Variants in RAB10 observed in about 807,000 individuals in gnomAD.
The protein encoded by RAB10 is RAB10, member RAS oncogene family.
RAB10 carries 5 observed loss-of-function variants against 25.7 expected under a neutral mutation model. The ratio of observed to expected loss-of-function variants is 0.19; its 90% confidence interval spans 0.10 to 0.41. The LOEUF (loss-of-function observed/expected upper bound fraction) is 0.41, where lower values mean the gene tolerates loss of function less well. RAB10 is among the 10% of genes least tolerant of loss of function. The probability of loss-of-function intolerance (pLI) is 1.00; values close to 1 mark genes in which losing one functional copy is unlikely to be tolerated. For synonymous variants in RAB10, 89 were observed against 86.4 expected, an observed-to-expected ratio of 1.03 and a Z score of -0.16; for missense variants, 103 against 245.8, an observed-to-expected ratio of 0.42 and a Z score of 3.89.
At chr2:26,051,346 A>G (rs1324708510) in intron 1 of RAB10, among the ~76,000 whole-genome samples, 4 of 105,644 alleles carry the variant, frequency 3.8e-5, no homozygotes, top group African/African-American at 7.1e-5. Context: ...CCTTCCTTCA[A>G]GTCCTCCCTT....
intron 1 of RAB10, among the ~76,000 whole-genome samples, chr2:26,056,025 G>C (rs1666257025): frequency 6.6e-6 from 1 of 151,862 alleles, no homozygotes; most frequent in Non-Finnish European, 1.5e-5. Flanking sequence ...CTCCCAAGTA[G>C]CTGGGATGAC....
chr2:26,039,871 G>A (rs1665847150), intron 1 of RAB10, among the ~76,000 whole-genome samples: 1 of 151,808 alleles, frequency 6.6e-6, no homozygotes, highest in African/African-American at 2.4e-5. Context: ...TAAAATTGTT[G>A]AGATATTTCA....
intron 3 of RAB10, among the ~76,000 whole-genome samples, chr2:26,124,546 A>G (rs1001219029): frequency 4.0e-5 from 6 of 151,628 alleles, no homozygotes; most frequent in Non-Finnish European, 5.9e-5. Flanking sequence ...GATTACAGGC[A>G]TGAGCCCCCG....
intron 1 of RAB10, among the ~76,000 whole-genome samples, chr2:26,057,487 G>T (rs1203048788): frequency 2.0e-5 from 3 of 151,962 alleles, no homozygotes; most frequent in Non-Finnish European, 4.4e-5. Context: ...AACATTTAAG[G>T]TGTAGACAGG....
At chr2:26,097,581 T>C (rs1667250004) in intron 1 of RAB10, among the ~76,000 whole-genome samples, 1 of 152,160 alleles carries the variant, frequency 6.6e-6, no homozygotes, top group East Asian at 1.9e-4. Flanking sequence ...CCTGGCAACT[T>C]CAATACTGTT....
chr2:26,075,597 G>C (rs1666715931), intron 1 of RAB10, among the ~76,000 whole-genome samples: 1 of 152,114 alleles, frequency 6.6e-6, no homozygotes, highest in Non-Finnish European at 1.5e-5. Context: ...AAGGGGAGAA[G>C]GACGGAGGTA....
chr2:26,106,656 C>T (rs952445708), intron 2 of RAB10, among the ~76,000 whole-genome samples: 12 of 152,012 alleles, frequency 7.9e-5, no homozygotes, highest in African/African-American at 2.9e-4. Context: ...GAGGCTGAGG[C>T]GGGTGGATCA....
At chr2:26,045,694 C>A (rs150852892) in intron 1 of RAB10, among the ~76,000 whole-genome samples, 77 of 152,192 alleles carry the variant, frequency 5.1e-4, no homozygotes, top group African/African-American at 1.8e-3. Context: ...CCTGGGAAAA[C>A]TGTTTATTGA....
At position 26,034,146 on chromosome 2, in the gene RAB10, G is replaced by T. The variant is rs1297264958; in HGVS notation, c.-463G>T. On this transcript the variant is annotated 5_prime_UTR_variant, in exon 1 of 6. Coordinates refer to ENST00000264710, the MANE Select transcript of RAB10 (RefSeq NM_016131.5). ...GGGAAAAGGTGGCTCTGGCCGGGGT[G>T]GCTCGGTTTCCTGGGGCTATGTAAC... 4.9e-6 allele frequency: 2 copies of T among 406,788 alleles called. No individual in the cohort carries two copies. Among genetic ancestry groups the T allele is most frequent in the Non-Finnish European group, 8.7e-6 (2 of 230,130 alleles). The allele number at this position is 406,788 out of a possible 1,614,324, so 25.2% of individuals were successfully genotyped here. A position where few individuals can be genotyped will look rare whatever the true frequency, so the allele number is the denominator to read the frequency against.
intron 2 of RAB10, among the ~76,000 whole-genome samples, chr2:26,104,525 G>A (rs1002167286): frequency 6.6e-6 from 1 of 152,118 alleles, no homozygotes; most frequent in African/African-American, 2.4e-5. Flanking sequence ...CTTCCATTCT[G>A]TGGGTTGTCT....
chr2:26,089,113 A>G (rs1276365494), intron 1 of RAB10, among the ~76,000 whole-genome samples: 1 of 152,040 alleles, frequency 6.6e-6, no homozygotes, highest in Non-Finnish European at 1.5e-5. Context: ...ATGCTCAGAA[A>G]TATATTTATT....
At chr2:26,104,872 G>A (rs1003961894) in intron 2 of RAB10, among the ~76,000 whole-genome samples, 1 of 151,730 alleles carries the variant, frequency 6.6e-6, no homozygotes, top group African/African-American at 2.4e-5. Context: ...TGAGTAGCTG[G>A]GACTACAGGT....
chr2:26,033,764 C>A (rs1416012387), upstream of RAB10, among the ~76,000 whole-genome samples: 6 of 151,698 alleles, frequency 4.0e-5, no homozygotes, highest in Non-Finnish European at 8.8e-5. Context: ...GTAAGGGTGT[C>A]CCGGGGAGCG....
At chr2:26,121,542 C>T (rs10182857) in intron 3 of RAB10, among the ~76,000 whole-genome samples, 116,581 of 152,066 alleles carry the variant, frequency 0.77, 44,757 homozygotes, top group East Asian at 0.87. Flanking sequence ...CTTGCAACAA[C>T]TTGAAAAACT....
chr2:26,066,955 G>A (rs548656803), intron 1 of RAB10, among the ~76,000 whole-genome samples: 21 of 151,936 alleles, frequency 1.4e-4, no homozygotes, highest in Admixed American at 3.9e-4. Flanking sequence ...GCTAATTTTT[G>A]TATTTTAGTA....
rs534256433 is a variant in RAB10, at chr2:26,034,812, G to T, written c.127+77G>T. The stretch of plus-strand genomic sequence containing the variant: ...TTTTACTCCAGACATCTTGCTTCCC[G>T]TAATATACGCCTTTGTTTCAGTGAT... On this transcript the variant is annotated intron_variant, in intron 1 of 5. Transcript: ENST00000264710. 5.9e-4 allele frequency: 925 copies of T among 1,560,140 alleles called. 15 individuals carry two copies. In the South Asian group the frequency reaches 9.7e-3, roughly 16 times the overall value.
In RAB10 at chr2:26,089,015, A is replaced by G. The variant is rs914148783; in HGVS notation, c.128-9647A>G. 2.0e-5 allele frequency among the ~76,000 whole-genome samples: 3 copies of G among 152,174 alleles called. No homozygotes were observed. The South Asian group carries it at 6.2e-4, about 32-fold the overall frequency. ...TAATGAAACCATGATATTTACTTGAAAAAAGTTTAGCGCTATGAAAGTTGT... is the reference window on the plus strand; with the variant it reads ...TAATGAAACCATGATATTTACTTGAGAAAAGTTTAGCGCTATGAAAGTTGT... On this transcript the variant is annotated intron_variant, in intron 1 of 5. Transcript: ENST00000264710.
chr2:26,062,497 G>A lies in RAB10; in HGVS notation c.127+27762G>A, dbSNP rs377693773. ...GTTTGAGACCAGCATGGTCAACCTG[G>A]TGAGACCCCAACTCTACTAAAAATA... is the stretch of plus-strand genomic sequence containing the variant. On this transcript the variant is annotated intron_variant, in intron 1 of 5. Coordinates refer to ENST00000264710, the MANE Select transcript of RAB10 (RefSeq NM_016131.5). Among the ~76,000 whole-genome samples, 8 of 152,032 alleles carry A rather than the reference G, an allele frequency of 5.3e-5. No individual in the cohort carries two copies. The South Asian group carries it at 1.2e-3, about 24-fold the overall frequency.
At chr2:26,038,924 C>CA (rs34311018) in intron 1 of RAB10, among the ~76,000 whole-genome samples, 70 of 103,316 alleles carry the variant, frequency 6.8e-4, no homozygotes, top group Admixed American at 2.6e-3. Context: ...GACTCTGTCT[C>CA]AAAAAAAAAA....
Sources: gnomAD v4.1 joint callset for allele counts (sites outside exome capture counted in the v4.1 genomes callset) on GRCh38, gnomAD v4.1.1 for gene constraint, MANE v1.5 for transcripts, NCBI Gene and HGNC (gene_info 2026-07-23, HGNC 2026-07-21) for gene names.